The following CLMP variants were observed in gnomAD, a reference collection of about 807,000 sequenced individuals.
CLMP encodes CXADR-like membrane protein.
A neutral mutation model predicts 45.2 loss-of-function variants in CLMP; 27 were observed. The ratio of observed to expected loss-of-function variants is 0.60; its 90% CI spans 0.44 to 0.82. The LOEUF is 0.82. Ranked by LOEUF, CLMP falls within the 40% of genes least tolerant of loss-of-function variation. The pLI is 0.00. For missense variants in CLMP, 403 were observed against 448.4 expected, an observed-to-expected ratio of 0.90 and a Z score of 0.91; for synonymous variants, 167 against 171.4, an observed-to-expected ratio of 0.97 and a Z score of 0.20.
chr11:123,150,485 AAGGAAGGAAGGAAGGAAGGAAGG>A (rs1861309484), intron 1 of CLMP, among the ~76,000 whole-genome samples: 6 of 109,924 alleles, frequency 5.5e-5, no homozygotes, highest in African/African-American at 2.2e-4. Context: ...GAAAGAAAGG[AAGGAAGGAAGGAAGGAAGGAAGG>A]AAGGAAGGAA....
intron 1 of CLMP, among the ~76,000 whole-genome samples, chr11:123,158,581 T>C (rs1861444972): frequency 6.6e-6 from 1 of 152,340 alleles, no homozygotes; most frequent in South Asian, 2.1e-4. Flanking sequence ...ACACTTGTCA[T>C]GCTGTTGGGT....
chr11:123,180,819 C>T (rs375357655), intron 1 of CLMP, among the ~76,000 whole-genome samples: 12 of 152,088 alleles, frequency 7.9e-5, no homozygotes, highest in African/African-American at 2.7e-4. Flanking sequence ...GAAAAACAAG[C>T]GCAAAGACTC....
chr11:123,119,491 TTAATATC>T (rs1254610153), intron 1 of CLMP, among the ~76,000 whole-genome samples: 2 of 152,150 alleles, frequency 1.3e-5, no homozygotes. Context: ...CCCAAGTACT[TTAATATC>T]TAAGATGGGC....
At chr11:123,144,161 C>T (rs569733463) in intron 1 of CLMP, among the ~76,000 whole-genome samples, 1 of 151,376 alleles carries the variant, frequency 6.6e-6, no homozygotes, top group Non-Finnish European at 1.5e-5. Context: ...ATAGCTGGAA[C>T]TCCTAACCCA....
intron 1 of CLMP, among the ~76,000 whole-genome samples, chr11:123,100,546 A>G (rs561167801): frequency 6.8e-6 from 1 of 147,688 alleles, no homozygotes; most frequent in South Asian, 2.2e-4. Flanking sequence ...TGATGCAGGC[A>G]TCTGTCCAAC....
chr11:123,106,050 C>T (rs1190855778), intron 1 of CLMP, among the ~76,000 whole-genome samples: 1 of 152,070 alleles, frequency 6.6e-6, no homozygotes, highest in Non-Finnish European at 1.5e-5. Context: ...CTCCTGACCT[C>T]AGTGATCCAC....
intron 1 of CLMP, among the ~76,000 whole-genome samples, chr11:123,105,898 C>A (rs34332510): frequency 3.3e-5 from 5 of 151,538 alleles, no homozygotes; most frequent in East Asian, 3.9e-4. Flanking sequence ...CTCACTGCAA[C>A]CTCCGCCTCC....
Position 123,150,473 on chromosome 11 carries a change from AAG to A in CLMP, c.28+44438_28+44439del, listed in dbSNP as rs1491568781. Reference sequence around the variant, plus strand: ...AAAGAAAGAAAGAAAGAAAGAAAGAAAGAAAGAAAGGAAGGAAGGAAGGAAGG... The same window carrying A: ...AAAGAAAGAAAGAAAGAAAGAAAGAAAAAGAAAGGAAGGAAGGAAGGAAGG... On this transcript the variant is annotated intron_variant, in intron 1 of 6. Coordinates refer to ENST00000448775, the MANE Select transcript of CLMP (RefSeq NM_024769.5). Among the ~76,000 whole-genome samples, 280 of 108,478 alleles carry A rather than the reference AAG, an allele frequency of 2.6e-3. 4 individuals are homozygous for A. The highest frequency in any genetic ancestry group is 4.7e-3 in the Non-Finnish European group (228 of 48,898). 71.2% of individuals were successfully genotyped at this position (108,478 alleles called of 152,430 possible).
At chr11:123,120,169 C>T (rs1860793592) in intron 1 of CLMP, among the ~76,000 whole-genome samples, 1 of 152,004 alleles carries the variant, frequency 6.6e-6, no homozygotes, top group African/African-American at 2.4e-5. Context: ...GCCTCTAATC[C>T]CAGTGCTTTG....
Position 123,072,884 on chromosome 11 carries a change from A to G in CLMP, c.*590T>C, listed in dbSNP as rs1473125907. ...CTCTTCTCCATCTCCCACTATTTCA[A>G]CTCCCCTTGAAATTAATATCCAAAC... On this transcript the variant is annotated 3_prime_UTR_variant, in exon 7 of 7. Transcript: ENST00000448775. 6.6e-6 allele frequency: 1 copy of G among 152,284 alleles called. No individual in the cohort carries two copies. The highest frequency in any genetic ancestry group is 1.5e-5 in the Non-Finnish European group (1 of 68,096). The allele number at this position is 152,284 out of a possible 1,614,324, so 9.4% of individuals were successfully genotyped here.
At chr11:123,118,072 T>C (rs1007798648) in intron 1 of CLMP, among the ~76,000 whole-genome samples, 3 of 152,068 alleles carry the variant, frequency 2.0e-5, no homozygotes, top group African/African-American at 7.2e-5. Flanking sequence ...TCATTTAATA[T>C]ACACTTTTTA....
intron 2 of CLMP, among the ~76,000 whole-genome samples, chr11:123,086,922 G>T (rs189687683): frequency 2.0e-5 from 3 of 152,052 alleles, no homozygotes; most frequent in Non-Finnish European, 4.4e-5. Context: ...AACTGGGTGC[G>T]GTGGCTCACA....
chr11:123,194,562 A>C (rs971111082), intron 1 of CLMP, among the ~76,000 whole-genome samples: 2 of 151,874 alleles, frequency 1.3e-5, no homozygotes, highest in African/African-American at 4.8e-5. Context: ...AACAACAAAA[A>C]ACCCCCACCC....
chr11:123,073,036 C>G lies in CLMP; in HGVS notation c.*438G>C, dbSNP rs1865691192. On this transcript the variant is annotated 3_prime_UTR_variant, in exon 7 of 7. Coordinates refer to ENST00000448775, the MANE Select transcript of CLMP (RefSeq NM_024769.5). ...AAGGCTGTGGGTTCTGCTTGACTGT[C>G]TGAATAACTAATAATCCAATAAGTT... The G allele has an allele frequency of 6.2e-6, 1 of 162,354 alleles. No individual in the cohort carries two copies. The allele number at this position is 162,354 out of a possible 1,614,324, so 10.1% of individuals were successfully genotyped here.
intron 5 of CLMP, among the ~76,000 whole-genome samples, chr11:123,075,977 G>A (rs762931841): frequency 6.6e-6 from 1 of 151,924 alleles, no homozygotes; most frequent in Non-Finnish European, 1.5e-5. Context: ...GTTCGAGACC[G>A]GCCTGGCCAA....
intron 1 of CLMP, among the ~76,000 whole-genome samples, chr11:123,149,685 A>C (rs111324923): frequency 1.1e-3 from 174 of 152,308 alleles, no homozygotes; most frequent in African/African-American, 3.9e-3. Context: ...AGGCCTGAGA[A>C]CTTTGTGCAT....
chr11:123,108,534 A>G (rs1203719915), intron 1 of CLMP, among the ~76,000 whole-genome samples: 1 of 151,376 alleles, frequency 6.6e-6, no homozygotes, highest in Non-Finnish European at 1.5e-5. Flanking sequence ...TTGAGCTTCT[A>G]CCTCCTTCCC....
chr11:123,076,479 T>C (rs1038919362), intron 5 of CLMP, among the ~76,000 whole-genome samples: 1 of 151,988 alleles, frequency 6.6e-6, no homozygotes, highest in African/African-American at 2.4e-5. Context: ...GAAGGCAAAA[T>C]TGGATGAGTG....
chr11:123,107,002 G>C (rs112365107), intron 1 of CLMP, among the ~76,000 whole-genome samples: 15,223 of 148,900 alleles, frequency 0.1, 872 homozygotes, highest in East Asian at 0.16. Context: ...CTGGGCGACA[G>C]AGCGAGACTC....
Sources: gnomAD v4.1 joint callset for allele counts (sites outside exome capture counted in the v4.1 genomes callset) on GRCh38, gnomAD v4.1.1 for gene constraint, MANE v1.5 for transcripts, NCBI Gene and HGNC (gene_info 2026-07-23, HGNC 2026-07-21) for gene names.